Variants in EPHA1 observed in about 807,000 individuals in gnomAD.
The protein encoded by EPHA1 is EPH receptor A1.
In EPHA1, 92 loss-of-function variants were observed where a neutral mutation model predicts 110.1. The ratio of observed to expected loss-of-function variants is 0.84; its 90% CI spans 0.71 to 0.99. The LOEUF is 0.99. EPHA1 is among the 50% of genes least tolerant of loss of function. The probability of loss-of-function intolerance (pLI) is 0.00; values close to 1 mark genes in which losing one functional copy is unlikely to be tolerated. For synonymous variants in EPHA1, 500 were observed against 516.1 expected (o/e 0.97, Z 0.42); for missense variants, 1,204 against 1,285.4 (o/e 0.94, Z 0.97).
chr7:143,396,564 G>T (rs1288969594), intron 10 of EPHA1, 54 bp from the exon 11 acceptor site: 16 of 1,594,840 alleles, frequency 1.0e-5, no homozygotes, highest in Non-Finnish European at 1.3e-5. Context: ...CAGGAGTATG[G>T]GGGTCAGGAG....
intron 7 of EPHA1, 67 bp downstream of exon 7, chr7:143,398,254 C>G (rs1805313920): frequency 6.2e-7 from 1 of 1,602,962 alleles, no homozygotes. Flanking sequence ...ACCCACACCC[C>G]AGGCTAGGAA....
intron 1 of EPHA1, among the ~76,000 whole-genome samples, chr7:143,408,114 T>C (rs1805607252): frequency 6.6e-6 from 1 of 152,082 alleles, no homozygotes; most frequent in South Asian, 2.1e-4. Flanking sequence ...GAGGCTCACC[T>C]CCACTGTCCG....
intron 10 of EPHA1, 86 bp from the exon 11 acceptor site, chr7:143,396,596 C>T: frequency 1.3e-6 from 2 of 1,488,140 alleles, no homozygotes; most frequent in Non-Finnish European, 9.2e-7. Context: ...GCGGACCACA[C>T]ACTTCTCCAC....
chr7:143,391,839 T>C, intron 16 of EPHA1, 64 bp from the exon 17 acceptor site: 1 of 1,585,248 alleles, frequency 6.3e-7, no homozygotes, highest in Non-Finnish European at 8.6e-7. Flanking sequence ...CCTTGGCCTC[T>C]GAGCATCAGC....
rs756278015 is a variant in EPHA1 at position 143,401,564 on chromosome 7, G to A, written c.192C>T (p.Tyr64=). The change falls in exon 3 of 18, where the codon TAC becomes TAT. Residue 64 remains tyrosine (Y), a synonymous_variant. Transcript: ENST00000275815. The surrounding 1 kb of genome is among the most constrained non-coding windows in gnomAD (Gnocchi z 4.1). The part of the protein sequence containing the change: ...QQQILNGTPL[Y]MYQDCPMQGR... ...CTTGCATTGGGCAGTCCTGGTACAT[G>A]TACAGGGGTGTCCCATTCAGTATCT... is the stretch of plus-strand genomic sequence containing the variant. The A allele has an allele frequency of 3.1e-6, 5 of 1,614,172 alleles. No homozygotes were observed. The highest frequency in any genetic ancestry group is 3.4e-6 in the Non-Finnish European group (4 of 1,180,042).
chr7:143,391,344 A>C lies in EPHA1; in HGVS notation c.*113T>G, dbSNP rs1235671921. The C allele has an allele frequency of 8.5e-6, 11 of 1,290,188 alleles. No homozygotes were observed. Among genetic ancestry groups the C allele is most frequent in the Non-Finnish European group, 1.2e-5 (11 of 922,908 alleles). The allele number at this position is 1,290,188 out of a possible 1,614,324, so 79.9% of individuals were successfully genotyped here. On this transcript the variant is annotated 3_prime_UTR_variant, in exon 18 of 18. Transcript: ENST00000275815. ...TCTCCTGAAAGTGGGCAGAAGCAGC[A>C]CCGATAGCCTAGTCTGGCAGGTTGT... is the stretch of plus-strand genomic sequence containing the variant.
Position 143,395,044 on chromosome 7 carries a change from GA to G in EPHA1, c.2146-31del. The G allele has an allele frequency of 6.2e-7, 1 of 1,613,872 alleles. No homozygotes were observed. The highest frequency in any genetic ancestry group is 8.5e-7 in the Non-Finnish European group (1 of 1,179,912). ...AGCAGGGTGAGTGGGTGAGTCAGGG[GA>G]TGGGCCAGGTCTCCTCCCAGTGCCC... On this transcript the variant is annotated intron_variant, in intron 13 of 17. Transcript: ENST00000275815. The surrounding 1 kb of genome is among the most constrained non-coding windows in gnomAD (Gnocchi z 4.7).
intron 10 of EPHA1, 99 bp from the exon 11 acceptor site, chr7:143,396,609 C>T: frequency 1.4e-6 from 2 of 1,436,384 alleles, no homozygotes; most frequent in South Asian, 1.3e-5. Flanking sequence ...TTCTCCACAC[C>T]TCCCTGTTTC....
chr7:143,394,087 G>A, intron 15 of EPHA1, 107 bp downstream of exon 15: 3 of 1,446,272 alleles, frequency 2.1e-6, no homozygotes, highest in East Asian at 2.3e-5. Flanking sequence ...AAAACTGAAG[G>A]TCATGAATAA....
At position 143,407,662 on chromosome 7, in the gene EPHA1, T is replaced by C. The variant is rs1357437234; in HGVS notation, c.99A>G (p.Thr33=). 6.2e-7 allele frequency: 1 copy of C among 1,613,270 alleles called. No homozygotes were observed. Among genetic ancestry groups the C allele is most frequent in the Admixed American group, 1.7e-5 (1 of 59,940 alleles). The change falls in exon 2 of 18, where the codon ACA becomes ACG. Residue 33 remains threonine, a synonymous_variant. Coordinates refer to ENST00000275815, the MANE Select transcript of EPHA1 (RefSeq NM_005232.5). The part of the protein sequence containing the change: ...ARAKEVTLMD[T]SKAQGELGWL... Reference sequence around the variant, plus strand: ...AGCCCAGCTCTCCCTGTGCCTTGCTTGTGTCCATCAGAGTAACTGAAAGTG... The same window carrying C: ...AGCCCAGCTCTCCCTGTGCCTTGCTCGTGTCCATCAGAGTAACTGAAAGTG...
Position 143,398,455 on chromosome 7 carries a change from G to T in EPHA1, c.1337-7C>A. On this transcript the variant is annotated splice_region_variant and splice_polypyrimidine_tract_variant and intron_variant, in intron 6 of 17. Transcript: ENST00000275815. ...GACAGGCCTGACAGTGACTCTGGGG[G>T]TCCAGAGGGATAAGGTTGGATATGT... 6.2e-7 allele frequency: 1 copy of T among 1,614,124 alleles called. No homozygotes were observed. Among genetic ancestry groups the T allele is most frequent in the Non-Finnish European group, 8.5e-7 (1 of 1,179,986 alleles).
At chr7:143,404,513 G>A (rs1805494597) in intron 2 of EPHA1, among the ~76,000 whole-genome samples, 1 of 152,010 alleles carries the variant, frequency 6.6e-6, no homozygotes, top group Non-Finnish European at 1.5e-5. Flanking sequence ...CACCGCGCGT[G>A]GCTATGGAGA....
Position 143,396,397 on chromosome 7 carries a change from C to A in EPHA1, c.1885G>T (p.Val629Phe). 1.9e-6 allele frequency: 3 copies of A among 1,612,576 alleles called. No individual in the cohort carries two copies. The highest frequency in any genetic ancestry group is 2.5e-6 in the Non-Finnish European group (3 of 1,179,648). ...LDPAWLMVDTVIGEGEFGEVY... is the reference protein window; with the variant it reads ...LDPAWLMVDTFIGEGEFGEVY... Reference sequence around the variant, plus strand: ...CAGCAGGACTCACCTTCTCCTATGACAGTGTCCACCATCAGCCACGCTGGA... The same window carrying A: ...CAGCAGGACTCACCTTCTCCTATGAAAGTGTCCACCATCAGCCACGCTGGA... The change falls in exon 11 of 18, where the codon GTC (valine) becomes TTC (phenylalanine). Residue 629 changes from valine (V) to phenylalanine (F), a missense_variant. By Grantham distance (50) the Val-to-Phe change is conservative. Transcript: ENST00000275815.
At chr7:143,407,551 A>AC in intron 2 of EPHA1, 60 bp downstream of exon 2, 1 of 1,535,470 alleles carries the variant, frequency 6.5e-7, no homozygotes, top group Non-Finnish European at 8.9e-7. Context: ...CCACCTCTCC[A>AC]CCCCATTTCC....
In EPHA1 at chr7:143,395,955, A is replaced by G. The variant is rs140548166; in HGVS notation, c.1897+430T>C. On this transcript the variant is annotated intron_variant, in intron 11 of 17. Transcript: ENST00000275815. This position sits in a 1 kb window ranked among gnomAD's most constrained non-coding sequence, Gnocchi z 4.7. ...CAAGCTTTGTTCTCCACTGAGATCC[A>G]TTTCCTCTGGTGACCCAAGGGAACA... Among the ~76,000 whole-genome samples the G allele has an allele frequency of 4.6e-3, 704 of 152,272 alleles. 6 individuals carry two copies. Among genetic ancestry groups the G allele is most frequent in the African/African-American group, 0.016 (675 of 41,540 alleles).
In EPHA1 at chr7:143,398,691, T is replaced by TG; in HGVS notation, c.1245dup (p.Thr416HisfsTer3). 1 of 1,614,004 alleles carries TG rather than the reference T, an allele frequency of 6.2e-7. No homozygotes were observed. Among genetic ancestry groups the TG allele is most frequent in the Non-Finnish European group, 8.5e-7 (1 of 1,179,970 alleles). The stretch of plus-strand genomic sequence containing the variant: ...CCATTTTGGGCTTCCACATTAAAGG[T>TG]GTAGTTGGCATAAGGTTCAAGGCCA... On this transcript the variant is annotated frameshift_variant, in exon 6 of 18. Coordinates refer to ENST00000275815, the MANE Select transcript of EPHA1 (RefSeq NM_005232.5). LOFTEE classifies it high-confidence loss of function.
chr7:143,395,661 G>T lies in EPHA1; in HGVS notation c.1898-157C>A. 1 of 729,282 alleles carries T rather than the reference G, an allele frequency of 1.4e-6. No homozygotes were observed. The highest frequency in any genetic ancestry group is 2.2e-6 in the Non-Finnish European group (1 of 453,776). The allele number at this position is 729,282 out of a possible 1,614,324, so 45.2% of individuals were successfully genotyped here. On this transcript the variant is annotated intron_variant, in intron 11 of 17. Transcript: ENST00000275815. This position sits in a 1 kb window ranked among gnomAD's most constrained non-coding sequence, Gnocchi z 4.7. ...CAGGGCGTGGGCTGTCCTTCCTGGG[G>T]AAGGTCAGAGTCTGGAGCTGGAGTG... is the stretch of plus-strand genomic sequence containing the variant.
Position 143,393,789 on chromosome 7 carries a change from T to C in EPHA1, c.2578A>G (p.Lys860Glu). Reference protein sequence around the residue: ...DCPAPLYELMKNCWAYDRARR... With the variant: ...DCPAPLYELMENCWAYDRARR... Reference sequence around the variant, plus strand: ...GCACGGTCATATGCCCAGCAGTTCTTCATGAGCTCATACAGAGGGGCAGGG... The same window carrying C: ...GCACGGTCATATGCCCAGCAGTTCTCCATGAGCTCATACAGAGGGGCAGGG... Residue 860 changes from lysine (K) to glutamate (E), a missense_variant, in exon 16 of 18, where the codon AAG (lysine) becomes GAG (glutamate). Lys to Glu is a moderately conservative substitution (Grantham distance 56). Transcript: ENST00000275815. This position sits in a 1 kb window ranked among gnomAD's most constrained non-coding sequence, Gnocchi z 5.6. The C allele has an allele frequency of 6.2e-7, 1 of 1,611,716 alleles. No individual in the cohort carries two copies. Among genetic ancestry groups the C allele is most frequent in the Non-Finnish European group, 8.5e-7 (1 of 1,178,696 alleles).
intron 14 of EPHA1, 109 bp from the exon 15 acceptor site, chr7:143,394,452 C>T (rs1041155014): frequency 7.5e-6 from 10 of 1,333,590 alleles, no homozygotes; most frequent in South Asian, 4.7e-5. Flanking sequence ...GACAAAGTCT[C>T]GCTCTGTTGC....
Sources: gnomAD v4.1 joint callset for allele counts (sites outside exome capture counted in the v4.1 genomes callset) on GRCh38, gnomAD v4.1.1 for gene constraint, Gnocchi (gnomAD v3.1) non-coding constraint, MANE v1.5 for transcripts, NCBI Gene and HGNC (gene_info 2026-07-23, HGNC 2026-07-21) for gene names.